The following CGGBP1 variants were observed in gnomAD, a reference collection of about 807,000 sequenced individuals.
CGGBP1 encodes the protein CGG triplet repeat-binding protein 1.
In CGGBP1, 4 loss-of-function variants were observed where a neutral mutation model predicts 11.4. That is an observed-to-expected ratio of 0.35 (90% confidence interval 0.17 to 0.80). The LOEUF (loss-of-function observed/expected upper bound fraction) is 0.80, where lower values mean the gene tolerates loss of function less well. Among genes scored for constraint, CGGBP1 ranks in the 30% least tolerant of loss-of-function variants. The probability of loss-of-function intolerance (pLI) is 0.52; values close to 1 mark genes in which losing one functional copy is unlikely to be tolerated. For missense variants in CGGBP1, 135 were observed against 202.1 expected, an observed-to-expected ratio of 0.67 and a Z score of 2.01; for synonymous variants, 76 against 74.1, an observed-to-expected ratio of 1.03 and a Z score of -0.13.
At chr3:88,072,761 T>A (rs1044123774) in intron 2 of CGGBP1, among the ~76,000 whole-genome samples, 3 of 152,120 alleles carry the variant, frequency 2.0e-5, no homozygotes, top group Non-Finnish European at 4.4e-5. Flanking sequence ...CACAAAAAAA[T>A]GAAAGCATCA....
chr3:88,087,783 A>T (rs1347916300), intron 2 of CGGBP1, among the ~76,000 whole-genome samples: 1 of 152,240 alleles, frequency 6.6e-6, no homozygotes, highest in Non-Finnish European at 1.5e-5. Flanking sequence ...TAAATTAATT[A>T]CAATTTTTTA....
At chr3:88,121,339 A>G (rs1303232851) in intron 2 of CGGBP1, among the ~76,000 whole-genome samples, 1 of 152,144 alleles carries the variant, frequency 6.6e-6, no homozygotes, top group Non-Finnish European at 1.5e-5. Flanking sequence ...AAGTTTTTTA[A>G]TGGCATAATA....
chr3:88,087,037 C>G (rs1708370337), intron 2 of CGGBP1, among the ~76,000 whole-genome samples: 1 of 151,886 alleles, frequency 6.6e-6, no homozygotes. Context: ...CTACCTTGGC[C>G]TCCCAAAGTG....
At chr3:88,112,941 C>G (rs548520578) in intron 2 of CGGBP1, among the ~76,000 whole-genome samples, 22 of 152,140 alleles carry the variant, frequency 1.4e-4, no homozygotes, top group African/African-American at 4.1e-4. Context: ...CTTGAAGGCA[C>G]TTCTTTTAAA....
intron 2 of CGGBP1, among the ~76,000 whole-genome samples, chr3:88,117,333 G>A (rs1024865759): frequency 6.6e-6 from 1 of 151,990 alleles, no homozygotes; most frequent in African/African-American, 2.4e-5. Flanking sequence ...TTCCCACAAA[G>A]GAAAAAATCA....
chr3:88,115,760 C>T (rs1260947415), intron 2 of CGGBP1, among the ~76,000 whole-genome samples: 5 of 152,202 alleles, frequency 3.3e-5, no homozygotes, highest in Admixed American at 3.3e-4. Context: ...CTTTTACTTC[C>T]AGTAGTTTTT....
rs142179239 is a variant in CGGBP1, at chr3:88,130,990, T to C, written c.-229+9980A>G. Among the ~76,000 whole-genome samples the C allele has an allele frequency of 1.8e-4, 28 of 152,220 alleles. No individual in the cohort carries two copies. The East Asian group carries it at 1.9e-3, about 11-fold the overall frequency. On this transcript the variant is annotated intron_variant, in intron 2 of 3. Coordinates refer to the CGGBP1 transcript ENST00000462901. ...ACATACACACACCTTTATATACAGT[T>C]ATGCAGCACTTAATGATGGGGATAT...
At chr3:88,128,527 G>A (rs894802574) in intron 2 of CGGBP1, among the ~76,000 whole-genome samples, 1 of 151,830 alleles carries the variant, frequency 6.6e-6, no homozygotes, top group African/African-American at 2.4e-5. Flanking sequence ...TTAATGAACT[G>A]AAAGAAGAAA....
In CGGBP1 at chr3:88,054,316, T is replaced by C. The variant is rs1422938575; in HGVS notation, c.*1157A>G. 6 of 152,404 alleles carry C rather than the reference T, an allele frequency of 3.9e-5. No homozygotes were observed. Among genetic ancestry groups the C allele is most frequent in the African/African-American group, 1.2e-4 (5 of 41,460 alleles). The allele number at this position is 152,404 out of a possible 1,614,324, so 9.4% of individuals were successfully genotyped here. A position where few individuals can be genotyped will look rare whatever the true frequency, so the allele number is the denominator to read the frequency against. On this transcript the variant is annotated 3_prime_UTR_variant, in exon 4 of 4. Coordinates refer to ENST00000482016, the MANE Select transcript of CGGBP1 (RefSeq NM_001008390.2). ...AAGCTACTTGGATAACCTTACAGGA[T>C]AGTGAGGTTCAAACAGAGATCATTT...
chr3:88,128,961 C>T, intron 2 of CGGBP1: 1 of 1,535,308 alleles, frequency 6.5e-7, no homozygotes, highest in Non-Finnish European at 8.7e-7. Context: ...CCATCAAGCA[C>T]TCTTCACATG....
At chr3:88,056,167 G>T (rs956498710) in intron 3 of CGGBP1, 168 bp from the exon 4 acceptor site, 7 of 523,382 alleles carry the variant, frequency 1.3e-5, no homozygotes, top group Non-Finnish European at 2.0e-5. Flanking sequence ...TATAAGGGAA[G>T]GCAAAACTAG....
chr3:88,125,464 AT>A (rs1706043035), intron 2 of CGGBP1, among the ~76,000 whole-genome samples: 1 of 152,104 alleles, frequency 6.6e-6, no homozygotes, highest in African/African-American at 2.4e-5. Flanking sequence ...GTATGGACAA[AT>A]TCACAACTAT....
intron 2 of CGGBP1, among the ~76,000 whole-genome samples, chr3:88,099,646 G>A (rs890303138): frequency 7.1e-4 from 108 of 152,126 alleles, no homozygotes; most frequent in African/African-American, 2.5e-3. Flanking sequence ...AATGGAACAG[G>A]ACAGAGCCCT....
At chr3:88,114,927 C>G (rs1012774557) in intron 2 of CGGBP1, among the ~76,000 whole-genome samples, 1 of 152,144 alleles carries the variant, frequency 6.6e-6, no homozygotes, top group African/African-American at 2.4e-5. Context: ...AGTGACAACC[C>G]CAAATGTAAC....
At chr3:88,148,798 C>T (rs991675885) in intron 1 of CGGBP1, among the ~76,000 whole-genome samples, 1 of 152,108 alleles carries the variant, frequency 6.6e-6, no homozygotes, top group African/African-American at 2.4e-5. Flanking sequence ...CGCCACCATG[C>T]CAGGCTAATT....
chr3:88,137,917 A>G (rs1706895642), intron 2 of CGGBP1, among the ~76,000 whole-genome samples: 1 of 152,014 alleles, frequency 6.6e-6, no homozygotes, highest in African/African-American at 2.4e-5. Context: ...ATATGATGTT[A>G]AAGACATTAT....
At chr3:88,080,113 G>GT (rs1214394354) in intron 2 of CGGBP1, among the ~76,000 whole-genome samples, 1 of 152,006 alleles carries the variant, frequency 6.6e-6, no homozygotes, top group African/African-American at 2.4e-5. Flanking sequence ...GTTCAGGCAT[G>GT]TAGCATTTTA....
At chr3:88,102,815 G>A (rs1246469635) in intron 2 of CGGBP1, among the ~76,000 whole-genome samples, 2 of 31,384 alleles carry the variant, frequency 6.4e-5, no homozygotes, top group African/African-American at 1.4e-4. Flanking sequence ...AACCTCTACT[G>A]TCTTTTTTTT....
intron 2 of CGGBP1, among the ~76,000 whole-genome samples, chr3:88,137,938 C>T (rs1213032510): frequency 3.3e-5 from 5 of 152,024 alleles, no homozygotes; most frequent in Non-Finnish European, 5.9e-5. Context: ...TATGGTGTCT[C>T]CTCCAATCAA....
Sources: gnomAD v4.1 joint callset for allele counts (sites outside exome capture counted in the v4.1 genomes callset) on GRCh38, gnomAD v4.1.1 for gene constraint, MANE v1.5 for transcripts, NCBI Gene and HGNC (gene_info 2026-07-23, HGNC 2026-07-21) for gene names.